Variants in DNAH17 observed in about 807,000 individuals in gnomAD.
DNAH17 encodes axonemal beta dynein heavy chain 17.
In DNAH17, 376 loss-of-function variants were observed where a neutral mutation model predicts 485.6. The observed-to-expected ratio is 0.77, with a 90% confidence interval of 0.71 to 0.84. DNAH17 has a LOEUF of 0.84. Among genes scored for constraint, DNAH17 ranks in the 40% least tolerant of loss-of-function variants. The pLI is 0.00. For missense variants in DNAH17, 6,370 were observed against 5,839.3 expected (o/e 1.09, Z -2.96); for synonymous variants, 3,031 against 2,405.9 (o/e 1.26, Z -7.60).
chr17:78,436,879 A>C (rs922163066), intron 74 of DNAH17, among the ~76,000 whole-genome samples: 1 of 122,860 alleles, frequency 8.1e-6, no homozygotes, highest in African/African-American at 2.9e-5. Context: ...CAAACAAACA[A>C]ACACGTGGCC....
rs950509243 is a variant in DNAH17 at position 78,514,867 on chromosome 17, C to T, written c.4020G>A (p.Val1340=). The T allele has an allele frequency of 6.2e-7, 1 of 1,614,048 alleles. No individual in the cohort carries two copies. The highest frequency in any genetic ancestry group is 8.5e-7 in the Non-Finnish European group (1 of 1,179,902). The stretch of plus-strand genomic sequence containing the variant: ...CACGCAGGGACGTGATCACGTTTTT[C>T]ACGGTGTTGTCGAGCCCCACGAAGG... ...WDAFVGLDNT[V]KNVITSLRAV... is the part of the protein sequence containing the mutation. Residue 1340 remains valine, a synonymous_variant, in exon 26 of 81, where the codon GTG becomes GTA. Transcript: ENST00000389840.
At chr17:78,509,055 C>T (rs1483229296) in intron 27 of DNAH17, among the ~76,000 whole-genome samples, 1 of 27,786 alleles carries the variant, frequency 3.6e-5, no homozygotes, top group Non-Finnish European at 8.4e-5. Context: ...CAACTTCTCC[C>T]TCCCAGGTTC....
chr17:78,437,928 G>T (rs910057076), intron 73 of DNAH17, 60 bp from the exon 74 acceptor site: 1 of 1,318,674 alleles, frequency 7.6e-7, no homozygotes, highest in South Asian at 1.3e-5. Flanking sequence ...CACGAGGAGA[G>T]ACTGGCACGT....
At chr17:78,477,146 A>C (rs2089068241) in intron 51 of DNAH17, among the ~76,000 whole-genome samples, 1 of 152,234 alleles carries the variant, frequency 6.6e-6, no homozygotes, top group African/African-American at 2.4e-5. Flanking sequence ...GGCAAGCTCG[A>C]CAAGAGCTTA....
chr17:78,501,927 G>A (rs2090309816), intron 33 of DNAH17, 54 bp from the exon 34 acceptor site: 1 of 1,605,810 alleles, frequency 6.2e-7, no homozygotes, highest in African/African-American at 1.3e-5. Flanking sequence ...ATGCACTGGG[G>A]GGTCTTGTGG....
Position 78,551,523 on chromosome 17 carries a change from C to A in DNAH17, c.2391+12G>T. 6.2e-7 allele frequency: 1 copy of A among 1,612,310 alleles called. No homozygotes were observed. Among genetic ancestry groups the A allele is most frequent in the Non-Finnish European group, 8.5e-7 (1 of 1,178,342 alleles). On this transcript the variant is annotated intron_variant, in intron 16 of 80. Coordinates refer to ENST00000389840, the MANE Select transcript of DNAH17 (RefSeq NM_173628.4). ...CCACAAAGCCCCACTCTGTGCTCTGCCCCTTGCTTACCTTCATAGCCTGGG... is the reference window on the plus strand; with the variant it reads ...CCACAAAGCCCCACTCTGTGCTCTGACCCTTGCTTACCTTCATAGCCTGGG...
chr17:78,530,435 G>T lies in DNAH17; in HGVS notation c.3192C>A (p.Cys1064Ter). The T allele has an allele frequency of 6.2e-7, 1 of 1,613,526 alleles. No homozygotes were observed. Among genetic ancestry groups the T allele is most frequent in the Non-Finnish European group, 8.5e-7 (1 of 1,179,732 alleles). The change falls in exon 21 of 81, where the codon TGC becomes TGA. Residue 1064 changes from cysteine to a stop codon, truncating the protein, a stop_gained. Coordinates refer to ENST00000389840, the MANE Select transcript of DNAH17 (RefSeq NM_173628.4). LOFTEE classifies it high-confidence loss of function. ...GGGCCTGCTTGAAGGGGCGGCAGTC[G>T]CACTGCAGCCAGCCGTGGAACACCT... ...NTKVFHGWLQ[C>*]DCRPFKQALL...
rs773043873 is a variant in DNAH17 at position 78,428,467 on chromosome 17, T to TC, written c.12588+57dup. On this transcript the variant is annotated intron_variant, in intron 77 of 80. Transcript: ENST00000389840. ...ACTGCCGCCAGTCCCTGTGACCCCC[T>TC]CCTCAGTTCTAGATCCTCCCCCTTC... The TC allele has an allele frequency of 7.4e-5, 114 of 1,545,060 alleles. No individual in the cohort carries two copies. In the African/African-American group the frequency reaches 1.4e-3, roughly 19 times the overall value.
At chr17:78,440,732 G>T (rs755562630) in intron 72 of DNAH17, among the ~76,000 whole-genome samples, 1 of 152,186 alleles carries the variant, frequency 6.6e-6, no homozygotes, top group Non-Finnish European at 1.5e-5. Context: ...TAAATTTCCA[G>T]TTCTTTTGGG....
At chr17:78,439,468 A>G (rs2086983681) in intron 72 of DNAH17, among the ~76,000 whole-genome samples, 1 of 152,082 alleles carries the variant, frequency 6.6e-6, no homozygotes. Context: ...GGTGGTCCCC[A>G]TACCCATTAG....
chr17:78,491,610 C>A, intron 42 of DNAH17, 40 bp from the exon 43 acceptor site: 1 of 1,599,948 alleles, frequency 6.3e-7, no homozygotes, highest in Non-Finnish European at 8.5e-7. Context: ...CCCTTCACTC[C>A]GGCCCCATTC....
intron 44 of DNAH17, chr17:78,490,093 T>C (rs2089783433): frequency 6.6e-6 from 1 of 152,262 alleles, no homozygotes; most frequent in Admixed American, 6.5e-5. Context: ...TCTCCAGATT[T>C]CAGATATTTC....
chr17:78,524,373 G>A (rs4969215), intron 25 of DNAH17, among the ~76,000 whole-genome samples: 19,970 of 152,118 alleles, frequency 0.13, 1,717 homozygotes, highest in Middle Eastern at 0.22. Context: ...TCTGACCTCA[G>A]GTGATCCACC....
chr17:78,554,602 C>G (rs1417799796), intron 14 of DNAH17, among the ~76,000 whole-genome samples: 1 of 151,928 alleles, frequency 6.6e-6, no homozygotes, highest in Admixed American at 6.6e-5. Context: ...TAATAAGCAC[C>G]ATTTAGGCCT....
intron 63 of DNAH17, 60 bp downstream of exon 63, chr17:78,455,583 TC>T: frequency 2.2e-6 from 3 of 1,354,746 alleles, no homozygotes; most frequent in Non-Finnish European, 2.9e-6. Flanking sequence ...CGCCTCGGCC[TC>T]CCAAAGTGCT....
chr17:78,543,806 C>T, intron 17 of DNAH17, 51 bp downstream of exon 17: 2 of 1,613,208 alleles, frequency 1.2e-6, no homozygotes, highest in South Asian at 1.1e-5. Context: ...ACTCTCTCCT[C>T]CCTGCTAAAA....
intron 7 of DNAH17, 70 bp from the exon 8 acceptor site, chr17:78,569,597 C>T (rs2092320680): frequency 1.3e-6 from 2 of 1,504,304 alleles, no homozygotes; most frequent in East Asian, 4.8e-5. Flanking sequence ...GGCACGCCGC[C>T]TGCAGGACCT....
chr17:78,482,356 G>C (rs904073484), intron 48 of DNAH17, among the ~76,000 whole-genome samples: 11 of 152,132 alleles, frequency 7.2e-5, no homozygotes, highest in African/African-American at 2.7e-4. Flanking sequence ...TATGCACTTT[G>C]TGTGTTGGAA....
chr17:78,434,359 G>T, intron 74 of DNAH17, 139 bp from the exon 75 acceptor site: 1 of 724,666 alleles, frequency 1.4e-6, no homozygotes, highest in Non-Finnish European at 2.2e-6. Context: ...GCTGTGGGCT[G>T]TGCAGGTCTC....
Sources: allele counts gnomAD v4.1 joint callset (sites outside exome capture counted in the v4.1 genomes callset), GRCh38; gene constraint gnomAD v4.1.1; transcripts MANE v1.5; gene names NCBI Gene and HGNC (gene_info 2026-07-23, HGNC 2026-07-21).